The following MAST2 variants were observed in gnomAD, a reference collection of about 807,000 sequenced individuals.
The protein encoded by MAST2 is microtubule-associated serine/threonine-protein kinase 2.
In MAST2, 70 loss-of-function variants were observed where a neutral mutation model predicts 147.4. That is an observed-to-expected ratio of 0.47 (90% CI 0.39 to 0.58). The LOEUF (loss-of-function observed/expected upper bound fraction) is 0.58. MAST2 is among the 20% of genes least tolerant of loss of function. The pLI is 0.00. For synonymous variants in MAST2, 869 were observed against 896.8 expected, an observed-to-expected ratio of 0.97 and a Z score of 0.55; for missense variants, 2,080 against 2,302.3, an observed-to-expected ratio of 0.90 and a Z score of 1.98.
intron 1 of MAST2, among the ~76,000 whole-genome samples, chr1:45,822,142 G>A (rs1644655933): frequency 6.6e-6 from 1 of 151,992 alleles, no homozygotes; most frequent in Non-Finnish European, 1.5e-5. Context: ...ACCCACCTCA[G>A]CCTCCCAAAG....
chr1:45,931,310 TC>T (rs1421245904), intron 4 of MAST2, among the ~76,000 whole-genome samples: 1 of 151,964 alleles, frequency 6.6e-6, no homozygotes, highest in African/African-American at 2.4e-5. Context: ...GTCTGTTATT[TC>T]CTCAGGATTA....
intron 3 of MAST2, among the ~76,000 whole-genome samples, chr1:45,834,359 T>G (rs571797709): frequency 6.6e-6 from 1 of 152,240 alleles, no homozygotes; most frequent in South Asian, 2.1e-4. Flanking sequence ...AGCCTTAAAG[T>G]TGCAAATATT....
chr1:45,940,643 A>G (rs1657110036), intron 4 of MAST2, among the ~76,000 whole-genome samples: 1 of 148,652 alleles, frequency 6.7e-6, no homozygotes, highest in Non-Finnish European at 1.5e-5. Context: ...TTTTTGAGAC[A>G]GAGTCTCGCT....
chr1:45,991,027 T>C (rs1188341451), intron 5 of MAST2, among the ~76,000 whole-genome samples: 2 of 152,202 alleles, frequency 1.3e-5, no homozygotes, highest in Admixed American at 1.3e-4. Context: ...TTTAGGTAAA[T>C]CTTACATTCG....
chr1:45,903,899 G>A (rs1262782571), intron 4 of MAST2, among the ~76,000 whole-genome samples: 1 of 152,212 alleles, frequency 6.6e-6, no homozygotes, highest in Non-Finnish European at 1.5e-5. Context: ...CTGTGAGATA[G>A]TAAATGTGTA....
chr1:45,815,091 C>T (rs1229507461), intron 1 of MAST2, among the ~76,000 whole-genome samples: 6 of 152,036 alleles, frequency 3.9e-5, no homozygotes, highest in African/African-American at 7.2e-5. Flanking sequence ...TGCATATATC[C>T]TTTAACCATT....
chr1:46,002,420 A>C (rs1464259641), intron 6 of MAST2, among the ~76,000 whole-genome samples: 1 of 152,214 alleles, frequency 6.6e-6, no homozygotes, highest in African/African-American at 2.4e-5. Context: ...CGGAGCCTTC[A>C]CAAATGGAAA....
chr1:45,982,433 G>A (rs1179192999), intron 5 of MAST2, among the ~76,000 whole-genome samples: 5 of 152,162 alleles, frequency 3.3e-5, no homozygotes, highest in African/African-American at 7.2e-5. Flanking sequence ...GATAGAGGCC[G>A]GGAGATTGAG....
chr1:45,916,769 G>T (rs61102033), intron 4 of MAST2, among the ~76,000 whole-genome samples: 67,971 of 151,962 alleles, frequency 0.45, 15,388 homozygotes, highest in East Asian at 0.63. Flanking sequence ...TGTTTGGTTT[G>T]CCCAGAAACC....
chr1:45,911,968 T>C (rs1651753566), intron 4 of MAST2, among the ~76,000 whole-genome samples: 1 of 151,468 alleles, frequency 6.6e-6, no homozygotes, highest in Non-Finnish European at 1.5e-5. Context: ...CAGCCATAAC[T>C]GCAAGCCTTA....
intron 5 of MAST2, among the ~76,000 whole-genome samples, chr1:45,980,867 C>A (rs929160371): frequency 6.6e-6 from 1 of 152,018 alleles, no homozygotes; most frequent in Non-Finnish European, 1.5e-5. Context: ...AATCTTCCTT[C>A]CCCCAAAATA....
At chr1:45,997,172 G>A (rs1645089825) in intron 5 of MAST2, among the ~76,000 whole-genome samples, 1 of 152,168 alleles carries the variant, frequency 6.6e-6, no homozygotes, top group Non-Finnish European at 1.5e-5. Context: ...AGAAATGGCG[G>A]TATGCTTTGT....
chr1:45,913,286 CAT>C (rs1164398149), intron 4 of MAST2, among the ~76,000 whole-genome samples: 1 of 152,204 alleles, frequency 6.6e-6, no homozygotes, highest in Non-Finnish European at 1.5e-5. Context: ...GAAACGCCCA[CAT>C]AGTCTTCGCT....
At chr1:45,963,050 G>A (rs1476080559) in intron 5 of MAST2, among the ~76,000 whole-genome samples, 1 of 152,108 alleles carries the variant, frequency 6.6e-6, no homozygotes, top group Non-Finnish European at 1.5e-5. Context: ...TTTTTGTCAG[G>A]TTTGTCAAAG....
At chr1:46,009,223 T>C (rs562608884) in intron 9 of MAST2, among the ~76,000 whole-genome samples, 2 of 151,784 alleles carry the variant, frequency 1.3e-5, no homozygotes, top group Non-Finnish European at 2.9e-5. Context: ...CCCGGCTAAT[T>C]TTTGTATTTT....
At chr1:45,853,515 G>C (rs922320145) in intron 3 of MAST2, among the ~76,000 whole-genome samples, 1 of 151,606 alleles carries the variant, frequency 6.6e-6, no homozygotes, top group African/African-American at 2.4e-5. Flanking sequence ...CATCACGCCT[G>C]TGTAATTTTT....
At chr1:45,901,869 A>C (rs1649821821) in intron 4 of MAST2, among the ~76,000 whole-genome samples, 1 of 152,178 alleles carries the variant, frequency 6.6e-6, no homozygotes, top group Non-Finnish European at 1.5e-5. Flanking sequence ...TGGGTCTAGG[A>C]ATCATTTGGA....
Position 45,829,545 on chromosome 1 carries a change from C to A in MAST2, c.432C>A (p.Ser144=). Residue 144 remains serine, a synonymous_variant, in exon 3 of 29, where the codon TCC becomes TCA. Coordinates refer to ENST00000361297, the MANE Select transcript of MAST2 (RefSeq NM_015112.3). The stretch of plus-strand genomic sequence containing the variant: ...ACCTGGTTCGAATGAGAAACCAGTC[C>A]CTTGGACAGTCTGCACCTTCTCTTA... ...ASNLVRMRNQ[S]LGQSAPSLTA... is the part of the protein sequence containing the mutation. The A allele has an allele frequency of 3.1e-6, 5 of 1,614,080 alleles. No individual in the cohort carries two copies. Among genetic ancestry groups the A allele is most frequent in the Non-Finnish European group, 4.2e-6 (5 of 1,180,010 alleles).
chr1:45,920,546 A>G (rs1653297491), intron 4 of MAST2, among the ~76,000 whole-genome samples: 1 of 152,224 alleles, frequency 6.6e-6, no homozygotes, highest in East Asian at 1.9e-4. Flanking sequence ...ATTCCCCATA[A>G]TGATGAGAAG....
Sources: gnomAD v4.1 joint callset for allele counts (sites outside exome capture counted in the v4.1 genomes callset) on GRCh38, gnomAD v4.1.1 for gene constraint, MANE v1.5 for transcripts, NCBI Gene and HGNC (gene_info 2026-07-23, HGNC 2026-07-21) for gene names.